Variants in TNR observed in about 807,000 individuals in gnomAD.
TNR encodes the protein tenascin R.
In TNR, 45 loss-of-function variants were observed where a neutral mutation model predicts 150.4. The ratio of observed to expected loss-of-function variants is 0.30; its 90% CI spans 0.24 to 0.38. TNR has a LOEUF of 0.38. TNR is among the 10% of genes least tolerant of loss of function. The pLI is 1.00. For missense variants in TNR, 1,544 were observed against 1,759.1 expected (o/e 0.88, Z 2.19); for synonymous variants, 687 against 678.4 (o/e 1.01, Z -0.20).
intron 1 of TNR, among the ~76,000 whole-genome samples, chr1:175,702,124 A>G (rs925520749): frequency 1.3e-5 from 2 of 152,116 alleles, no homozygotes; most frequent in Admixed American, 1.3e-4. Context: ...GAAGTAAGAT[A>G]CTCTAAGGGT....
intron 1 of TNR, among the ~76,000 whole-genome samples, chr1:175,739,106 C>G (rs899106332): frequency 3.3e-5 from 5 of 152,110 alleles, no homozygotes; most frequent in Non-Finnish European, 5.9e-5. Context: ...GACTCAGGAG[C>G]CTTCCCCTAA....
chr1:175,647,051 A>G (rs1664830121), intron 1 of TNR, among the ~76,000 whole-genome samples: 1 of 152,238 alleles, frequency 6.6e-6, no homozygotes, highest in African/African-American at 2.4e-5. Context: ...GAAATAGGAC[A>G]GAGGAGTTCG....
chr1:175,465,498 A>C (rs1444400568), intron 2 of TNR, among the ~76,000 whole-genome samples: 2 of 152,208 alleles, frequency 1.3e-5, no homozygotes, highest in South Asian at 4.1e-4. Flanking sequence ...TTTCAGAAGT[A>C]AGAAGATGCT....
At position 175,677,903 on chromosome 1, in the gene TNR, G is replaced by C. The variant is rs570471389; in HGVS notation, c.-165+65323C>G. Reference sequence around the variant, plus strand: ...TTAAGTAGAGAAGAAGGAAGATCAAGAATGACAGAGAGAGGAAAGAGAAGC... The same window carrying C: ...TTAAGTAGAGAAGAAGGAAGATCAACAATGACAGAGAGAGGAAAGAGAAGC... On this transcript the variant is annotated intron_variant, in intron 1 of 22. Coordinates refer to ENST00000367674, the MANE Select transcript of TNR (RefSeq NM_003285.3). 2.4e-4 allele frequency among the ~76,000 whole-genome samples: 36 copies of C among 152,266 alleles called. No homozygotes were observed. The South Asian group carries it at 4.6e-3, about 19-fold the overall frequency.
At chr1:175,402,126 T>G (rs1038737907) in intron 4 of TNR, among the ~76,000 whole-genome samples, 15 of 151,024 alleles carry the variant, frequency 9.9e-5, no homozygotes, top group African/African-American at 3.4e-4. Flanking sequence ...GCTAACAAGG[T>G]GAAACCCCGT....
At chr1:175,522,689 G>C (rs935595364) in intron 2 of TNR, among the ~76,000 whole-genome samples, 1 of 152,200 alleles carries the variant, frequency 6.6e-6, no homozygotes, top group Non-Finnish European at 1.5e-5. Flanking sequence ...ATGAGACAGA[G>C]AGGCTAACCT....
chr1:175,555,515 GA>G (rs56074366), intron 1 of TNR, among the ~76,000 whole-genome samples: 62,066 of 127,236 alleles, frequency 0.49, 14,390 homozygotes, highest in East Asian at 0.67. Flanking sequence ...ACAACTGAGA[GA>G]AAAAAAAAAA....
At position 175,644,941 on chromosome 1, in the gene TNR, A is replaced by C. The variant is rs1292048404; in HGVS notation, c.-165+98285T>G. Among the ~76,000 whole-genome samples the C allele has an allele frequency of 2.0e-5, 3 of 152,160 alleles. No homozygotes were observed. In the East Asian group the frequency reaches 5.8e-4, roughly 29 times the overall value. ...CACTTCATCTTTGTGAATAAACTTT[A>C]ATTTTTTTTACATGATTTAAGCTTT... is the stretch of plus-strand genomic sequence containing the variant. On this transcript the variant is annotated intron_variant, in intron 1 of 22. Coordinates refer to ENST00000367674, the MANE Select transcript of TNR (RefSeq NM_003285.3).
At position 175,347,969 on chromosome 1, in the gene TNR, G is replaced by T. The variant is rs142299583; in HGVS notation, c.3382+6422C>A. ...GAATTAGAAGTATAGAAATAAAATT[G>T]CCATTATTTGTAGATGACATAAAAC... On this transcript the variant is annotated intron_variant, in intron 18 of 22. Coordinates refer to ENST00000367674, the MANE Select transcript of TNR (RefSeq NM_003285.3). Among the ~76,000 whole-genome samples the T allele has an allele frequency of 5.8e-3, 885 of 152,128 alleles. 10 individuals carry two copies. The highest frequency in any genetic ancestry group is 0.02 in the African/African-American group (824 of 41,506).
chr1:175,544,333 AAGAGTAGGGAAG>A (rs983200041), intron 1 of TNR, among the ~76,000 whole-genome samples: 4 of 152,226 alleles, frequency 2.6e-5, no homozygotes, highest in African/African-American at 9.6e-5. Context: ...AGAGTAAGTA[AAGAGTAGGGAAG>A]AGAGTAGAGA....
intron 2 of TNR, among the ~76,000 whole-genome samples, chr1:175,424,343 C>A (rs746775423): frequency 6.6e-6 from 1 of 152,184 alleles, no homozygotes; most frequent in Non-Finnish European, 1.5e-5. Flanking sequence ...GTGGTGGGAG[C>A]TGGGCAGTTC....
chr1:175,616,533 G>T (rs1239204571), intron 1 of TNR, among the ~76,000 whole-genome samples: 1 of 152,144 alleles, frequency 6.6e-6, no homozygotes, highest in South Asian at 2.1e-4. Flanking sequence ...GTTGCAGGAT[G>T]GGGGCAGAGG....
At chr1:175,625,425 T>C (rs1664121062) in intron 1 of TNR, among the ~76,000 whole-genome samples, 1 of 152,102 alleles carries the variant, frequency 6.6e-6, no homozygotes, top group Non-Finnish European at 1.5e-5. Flanking sequence ...TTGCACTGGG[T>C]CTGTTAGCAG....
intron 1 of TNR, among the ~76,000 whole-genome samples, chr1:175,535,395 C>A (rs1392062590): frequency 6.6e-6 from 1 of 152,172 alleles, no homozygotes; most frequent in African/African-American, 2.4e-5. Flanking sequence ...GTGTTTAAAT[C>A]TTTGTCTTTT....
At position 175,386,293 on chromosome 1, in the gene TNR, C is replaced by T. The variant is rs772462129; in HGVS notation, c.1516G>A (p.Gly506Ser). The T allele has an allele frequency of 4.5e-6, 7 of 1,553,276 alleles. No individual in the cohort carries two copies. Among genetic ancestry groups the T allele is most frequent in the East Asian group, 4.6e-5 (2 of 43,668 alleles). ...TSASVSTVID[G>S]PTQILVRDVS... ...TCGCGAACCAGGATCTGCGTGGGGC[C>T]GTCAATGACTGAGTGAGAAGGATCA... is the stretch of plus-strand genomic sequence containing the variant. The change falls in exon 8 of 23, where the codon GGC becomes AGC. Residue 506 changes from glycine (G) to serine (S), a missense_variant. This residue lies in a region of TNR where 1,254 missense variants were observed against 1,329.4 expected (regional missense o/e 0.94). Coordinates refer to ENST00000367674, the MANE Select transcript of TNR (RefSeq NM_003285.3).
intron 1 of TNR, among the ~76,000 whole-genome samples, chr1:175,736,382 G>A (rs370479208): frequency 3.2e-3 from 482 of 152,262 alleles, no homozygotes; most frequent in Non-Finnish European, 5.1e-3. Flanking sequence ...TTAGTGGGGC[G>A]TGGTGGCCGG....
intron 1 of TNR, among the ~76,000 whole-genome samples, chr1:175,639,935 C>A (rs1664601885): frequency 6.6e-6 from 1 of 152,198 alleles, no homozygotes; most frequent in South Asian, 2.1e-4. Flanking sequence ...GCTTATTTTT[C>A]TCTGCAGAAC....
chr1:175,656,141 AGTGTGTGTGT>A (rs575020723), intron 1 of TNR, among the ~76,000 whole-genome samples: 1,728 of 123,922 alleles, frequency 0.014, 27 homozygotes, highest in African/African-American at 0.048. Flanking sequence ...GGAAGGTTGA[AGTGTGTGTGT>A]GTGTGTGTGT....
At position 175,396,784 on chromosome 1, in the gene TNR, C is replaced by T; in HGVS notation, c.1000G>A (p.Val334Met). 6.2e-7 allele frequency: 1 copy of T among 1,613,946 alleles called. No homozygotes were observed. Among genetic ancestry groups the T allele is most frequent in the Non-Finnish European group, 8.5e-7 (1 of 1,179,820 alleles). ...ATGGACCTGTCGCTGATACCAGCCACTCGCAAGTCCTCTGGAGGGGCAACT... is the reference window on the plus strand; with the variant it reads ...ATGGACCTGTCGCTGATACCAGCCATTCGCAAGTCCTCTGGAGGGGCAACT... ...SAVAPPEDLR[V>M]AGISDRSIEL... The change falls in exon 5 of 23, where the codon GTG (valine) becomes ATG (methionine). Residue 334 changes from valine (V) to methionine (M), a missense_variant. By Grantham distance (21) the Val-to-Met change is conservative (BLOSUM62 1). Around this residue, in one of 2 missense-constraint regions of TNR, gnomAD observed 1,254 missense variants for 1,329.4 expected, o/e 0.94. Transcript: ENST00000367674.
Sources: gnomAD v4.1 joint callset for allele counts (sites outside exome capture counted in the v4.1 genomes callset) on GRCh38, gnomAD v4.1.1 for gene constraint, gnomAD v4.1.1 regional missense constraint, MANE v1.5 for transcripts, NCBI Gene and HGNC (gene_info 2026-07-23, HGNC 2026-07-21) for gene names.